The following ERG variants were observed in gnomAD, a reference collection of about 807,000 sequenced individuals.
The protein encoded by ERG is transcriptional regulator ERG.
A neutral mutation model predicts 55.3 loss-of-function variants in ERG; 9 were observed. The ratio of observed to expected loss-of-function variants is 0.16; its 90% CI spans 0.10 to 0.28. ERG has a LOEUF of 0.28. Among genes scored for constraint, ERG ranks in the 10% least tolerant of loss-of-function variants. The pLI, the probability that ERG is intolerant of heterozygous loss-of-function variation, is 1.00. For synonymous variants in ERG, 223 were observed against 237.3 expected (o/e 0.94, Z 0.55); for missense variants, 434 against 631.6 (o/e 0.69, Z 3.35).
chr21:38,636,160 GA>G (rs2060387247), intron 1 of ERG, among the ~76,000 whole-genome samples: 1 of 152,188 alleles, frequency 6.6e-6, no homozygotes, highest in African/African-American at 2.4e-5. Context: ...GCTGCCATGT[GA>G]AGAAGGACAT....
At chr21:38,589,127 G>A (rs1032159315), upstream of ERG, among the ~76,000 whole-genome samples, 7 of 152,274 alleles carry the variant, frequency 4.6e-5, no homozygotes, top group East Asian at 3.9e-4. Flanking sequence ...TGGCCACCAC[G>A]TGTAAGCAGC....
At chr21:38,417,591 C>T (rs924194075) in intron 3 of ERG, among the ~76,000 whole-genome samples, 1 of 152,068 alleles carries the variant, frequency 6.6e-6, no homozygotes, top group Admixed American at 6.5e-5. Flanking sequence ...GAGTTTGAGA[C>T]CAGCCTTGCC....
intron 1 of ERG, chr21:38,474,262 T>C (rs919844025): frequency 4.3e-5 from 6 of 139,244 alleles, no homozygotes; most frequent in African/African-American, 1.6e-4. Flanking sequence ...CGACAGGAAA[T>C]GGCAAATTCC....
chr21:38,433,968 T>C (rs1990344208), intron 2 of ERG, among the ~76,000 whole-genome samples: 1 of 152,120 alleles, frequency 6.6e-6, no homozygotes, highest in South Asian at 2.1e-4. Flanking sequence ...TTGTTCTCCA[T>C]CACATGCTGG....
downstream of ERG, among the ~76,000 whole-genome samples, chr21:38,378,417 T>C (rs1452108787): frequency 6.6e-6 from 1 of 152,250 alleles, no homozygotes. Flanking sequence ...CTCTTGAATT[T>C]GGCCAATGGG....
At chr21:38,505,769 T>C (rs1348607844) in intron 2 of ERG, among the ~76,000 whole-genome samples, 1 of 152,170 alleles carries the variant, frequency 6.6e-6, no homozygotes, top group Non-Finnish European at 1.5e-5. Context: ...AACCACCTCC[T>C]GCCTAAAGAA....
At chr21:38,490,886 T>C (rs2059329695) in intron 1 of ERG, among the ~76,000 whole-genome samples, 1 of 152,222 alleles carries the variant, frequency 6.6e-6, no homozygotes, top group Non-Finnish European at 1.5e-5. Context: ...ACAGAGGCTA[T>C]TTTAAGGATG....
chr21:38,424,458 C>CGGA, intron 2 of ERG, among the ~76,000 whole-genome samples: 1 of 152,270 alleles, frequency 6.6e-6, no homozygotes, highest in East Asian at 1.9e-4. Context: ...ACAAGGGAGG[C>CGGA]GGAACTACCA....
intron 1 of ERG, among the ~76,000 whole-genome samples, chr21:38,472,643 A>G (rs992957135): frequency 2.6e-5 from 4 of 152,200 alleles, no homozygotes; most frequent in Non-Finnish European, 5.9e-5. Context: ...GCTACACTCT[A>G]CGATAAGGAA....
chr21:38,376,903 G>A (rs1037992167), downstream of ERG, among the ~76,000 whole-genome samples: 4 of 152,350 alleles, frequency 2.6e-5, no homozygotes, highest in African/African-American at 9.6e-5. Flanking sequence ...AAAGGGCGCA[G>A]CAAGGAAATG....
At chr21:38,378,670 C>T (rs1371238463), downstream of ERG, among the ~76,000 whole-genome samples, 1 of 152,108 alleles carries the variant, frequency 6.6e-6, no homozygotes, top group African/African-American at 2.4e-5. Flanking sequence ...GTCCTATGTC[C>T]CTCTTTAAGT....
At chr21:38,420,150 A>G (rs771762593) in intron 3 of ERG, among the ~76,000 whole-genome samples, 1 of 152,092 alleles carries the variant, frequency 6.6e-6, no homozygotes, top group Non-Finnish European at 1.5e-5. Flanking sequence ...TTTTGCACAC[A>G]TGGGGTACTC....
At chr21:38,387,061 T>G (rs1293689957) in intron 9 of ERG, among the ~76,000 whole-genome samples, 1 of 150,518 alleles carries the variant, frequency 6.6e-6, no homozygotes, top group Non-Finnish European at 1.5e-5. Flanking sequence ...GGGTACAGAC[T>G]GAGCAAAAAA....
chr21:38,635,971 A>C (rs1325002330), intron 1 of ERG, among the ~76,000 whole-genome samples: 13 of 152,122 alleles, frequency 8.5e-5, no homozygotes, highest in Admixed American at 7.9e-4. Flanking sequence ...TCCCCATCCA[A>C]ATCTCATATT....
chr21:38,464,675 C>T (rs981915201), intron 1 of ERG, among the ~76,000 whole-genome samples: 3 of 152,024 alleles, frequency 2.0e-5, no homozygotes, highest in Admixed American at 6.5e-5. Context: ...ATCAACCCAT[C>T]ATCTACATTA....
At chr21:38,575,238 T>C (rs972153688) in intron 2 of ERG, among the ~76,000 whole-genome samples, 2 of 152,128 alleles carry the variant, frequency 1.3e-5, no homozygotes, top group Admixed American at 6.5e-5. Flanking sequence ...ATAAAGGAGA[T>C]GGAATTATAA....
At chr21:38,542,589 A>C (rs2836496) in intron 2 of ERG, among the ~76,000 whole-genome samples, 26,355 of 152,136 alleles carry the variant, frequency 0.17, 2,460 homozygotes, top group African/African-American at 0.25. Flanking sequence ...TTTCTGGAGT[A>C]ATGTATTTCT....
intron 1 of ERG, among the ~76,000 whole-genome samples, chr21:38,654,367 G>C (rs527415625): frequency 1.9e-4 from 29 of 152,348 alleles, no homozygotes; most frequent in African/African-American, 5.8e-4. Flanking sequence ...AGCTACTCGG[G>C]AGGCTGAGGC....
chr21:38,654,839 T>C (rs555091440), intron 1 of ERG, among the ~76,000 whole-genome samples: 3 of 152,232 alleles, frequency 2.0e-5, no homozygotes, highest in African/African-American at 7.2e-5. Context: ...TTAAACTTTG[T>C]GCAATTATAG....
Sources: gnomAD v4.1 joint callset for allele counts (sites outside exome capture counted in the v4.1 genomes callset) on GRCh38, gnomAD v4.1.1 for gene constraint, MANE v1.5 for transcripts, NCBI Gene and HGNC (gene_info 2026-07-23, HGNC 2026-07-21) for gene names.